The following OXSM variants were observed in gnomAD, a reference collection of about 807,000 sequenced individuals.
OXSM encodes 3-oxoacyl-[acyl-carrier-protein] synthase, mitochondrial.
A neutral mutation model predicts 29.2 loss-of-function variants in OXSM; 19 were observed. That is an observed-to-expected ratio of 0.65 (90% CI 0.45 to 0.96). The LOEUF (loss-of-function observed/expected upper bound fraction) is 0.96. Among genes scored for constraint, OXSM ranks in the 40% least tolerant of loss-of-function variants. OXSM has a pLI of 0.00. For missense variants in OXSM, 554 were observed against 551.3 expected (o/e 1.00, Z -0.05); for synonymous variants, 178 against 197.1 (o/e 0.90, Z 0.81).
In OXSM at chr3:25,794,481, T is replaced by G; in HGVS notation, c.1367T>G (p.Ile456Ser). 6.2e-7 allele frequency: 1 copy of G among 1,603,070 alleles called. No homozygotes were observed. ...GFGGTNATLCIAGL is the reference protein window; with the variant it reads ...GFGGTNATLCSAGL ...GGTGGTACTAATGCAACACTTTGTA[T>G]TGCTGGACTGTAGAACATATAATTT... is the stretch of plus-strand genomic sequence containing the variant. The change falls in exon 3 of 3, where the codon ATT (isoleucine) becomes AGT (serine). Residue 456 changes from isoleucine to serine, a missense_variant. Coordinates refer to ENST00000280701, the MANE Select transcript of OXSM (RefSeq NM_017897.3).
At position 25,790,165 on chromosome 3, in the gene OXSM, C is replaced by T. The variant is rs1196510001; in HGVS notation, c.-32+18C>T. On this transcript the variant is annotated intron_variant, in intron 1 of 2. Transcript: ENST00000280701. Reference sequence around the variant, plus strand: ...CGTTACAGGTATCGCTGGCTACCCTCCTCCTTCGCCCCTCCTTTCCTCCTT... The same window carrying T: ...CGTTACAGGTATCGCTGGCTACCCTTCTCCTTCGCCCCTCCTTTCCTCCTT... 4 of 493,132 alleles carry T rather than the reference C, an allele frequency of 8.1e-6. No individual in the cohort carries two copies. Among genetic ancestry groups the T allele is most frequent in the Non-Finnish European group, 1.1e-5 (3 of 276,756 alleles). The allele number at this position is 493,132 out of a possible 1,614,324, so 30.5% of individuals were successfully genotyped here.
intron 1 of OXSM, 157 bp from the exon 2 acceptor site, chr3:25,790,833 A>G (rs1417994043): frequency 1.3e-5 from 7 of 557,982 alleles, no homozygotes; most frequent in Non-Finnish European, 2.2e-5. Flanking sequence ...TTAAACAGAT[A>G]GTTTGATGTT....
chr3:25,792,626 G>A (rs776896364), intron 2 of OXSM, among the ~76,000 whole-genome samples: 29 of 151,898 alleles, frequency 1.9e-4, no homozygotes, highest in Admixed American at 6.6e-4. Flanking sequence ...ACAGGAATGC[G>A]CCACTGAGAC....
chr3:25,794,386 T>C lies in OXSM; in HGVS notation c.1272T>C (p.Tyr424=). Residue 424 remains tyrosine, a synonymous_variant, in exon 3 of 3, where the codon TAT becomes TAC. Transcript: ENST00000280701. ...CGGAACCAGAATTTGATCTCAACTA[T>C]GTTCCACTAAAGGCACAGGAATGGA... ...DCSEPEFDLN[Y]VPLKAQEWKT... is the part of the protein sequence containing the mutation. 6.2e-7 allele frequency: 1 copy of C among 1,614,212 alleles called. No homozygotes were observed. The highest frequency in any genetic ancestry group is 1.1e-5 in the South Asian group (1 of 91,082).
At position 25,794,189 on chromosome 3, in the gene OXSM, G is replaced by T. The variant is rs376218965; in HGVS notation, c.1075G>T (p.Glu359Ter). Reference protein sequence around the residue: ...ATSTPLGDAAENKAIKHLFKD... With the variant: ...ATSTPLGDAA ...TTCCACACCATTGGGAGATGCTGCT[G>T]AAAACAAAGCTATCAAACATCTCTT... The change falls in exon 3 of 3, where the codon GAA becomes TAA. Residue 359 changes from glutamate (E) to a stop codon, truncating the protein, a stop_gained. Transcript: ENST00000280701. LOFTEE classifies it high-confidence loss of function. 4.6e-5 allele frequency: 75 copies of T among 1,614,128 alleles called. No individual in the cohort carries two copies. The highest frequency in any genetic ancestry group is 6.7e-5 in the African/African-American group (5 of 74,946).
chr3:25,791,797 T>G lies in OXSM; in HGVS notation c.777T>G (p.Asp259Glu), dbSNP rs767766137. 4 of 1,614,080 alleles carry G rather than the reference T, an allele frequency of 2.5e-6. No homozygotes were observed. In the Admixed American group the frequency reaches 6.7e-5, roughly 27 times the overall value. Residue 259 changes from aspartate to glutamate, a missense_variant, in exon 2 of 3, where the codon GAT (aspartate) becomes GAG (glutamate). Physicochemically the swap from Asp to Glu is conservative, Grantham distance 45. Transcript: ENST00000280701. The part of the protein sequence containing the change: ...SRARALSTNS[D>E]PKLACRPFHP... ...CCCGGGCTCTGAGCACAAACTCAGA[T>G]CCCAAGTTGGCATGTCGACCATTTC...
chr3:25,791,734 T>A lies in OXSM; in HGVS notation c.714T>A (p.Ser238=), dbSNP rs200194281. The change falls in exon 2 of 3, where the codon TCT becomes TCA. Residue 238 remains serine (S), a synonymous_variant. Coordinates refer to ENST00000280701, the MANE Select transcript of OXSM (RefSeq NM_017897.3). ...TGATGGTGGCTGGAGGTACAGATTCTTGTATTAGCCCTTTATCTCTTGCTG... is the reference window on the plus strand; with the variant it reads ...TGATGGTGGCTGGAGGTACAGATTCATGTATTAGCCCTTTATCTCTTGCTG... ...ADVMVAGGTD[S]CISPLSLAGF... 1.2e-6 allele frequency: 2 copies of A among 1,614,190 alleles called. No homozygotes were observed. Among genetic ancestry groups the A allele is most frequent in the South Asian group, 2.2e-5 (2 of 91,082 alleles).
Position 25,794,114 on chromosome 3 carries a change from G to A in OXSM, c.1000G>A (p.Asp334Asn). 1 of 1,612,622 alleles carries A rather than the reference G, an allele frequency of 6.2e-7. No homozygotes were observed. ...ALRCMAAALK[D>N]AGVQPEEISY... ...TAGGTGTATGGCTGCTGCTTTAAAA[G>A]ATGCAGGTGTGCAGCCTGAGGAGAT... Residue 334 changes from aspartate (D) to asparagine (N), a missense_variant, in exon 3 of 3, where the codon GAT (aspartate) becomes AAT (asparagine). Transcript: ENST00000280701.
Position 25,791,373 on chromosome 3 carries a change from C to A in OXSM, c.353C>A (p.Pro118His). The A allele has an allele frequency of 6.2e-7, 1 of 1,614,142 alleles. No individual in the cohort carries two copies. Among genetic ancestry groups the A allele is most frequent in the Non-Finnish European group, 8.5e-7 (1 of 1,180,020 alleles). ...TCAGATATCAAGTCCATGTCTTCTCCCACCATCATGGCCATTGGGGCTGCA... is the reference window on the plus strand; with the variant it reads ...TCAGATATCAAGTCCATGTCTTCTCACACCATCATGGCCATTGGGGCTGCA... ...SKSDIKSMSS[P>H]TIMAIGAAEL... is the part of the protein sequence containing the mutation. Residue 118 changes from proline (P) to histidine (H), a missense_variant, in exon 2 of 3, where the codon CCC becomes CAC. Pro to His is a moderately conservative substitution (Grantham distance 77). Coordinates refer to ENST00000280701, the MANE Select transcript of OXSM (RefSeq NM_017897.3).
intron 1 of OXSM, chr3:25,790,571 T>C (rs1248849900): frequency 5.9e-6 from 1 of 169,518 alleles, no homozygotes; most frequent in African/African-American, 2.4e-5. Flanking sequence ...TACTGAAGAT[T>C]GATAAAGCCC....
chr3:25,790,106 GC>G lies in OXSM; in HGVS notation c.-68del. ...TGCGCGTGCGCTCGAGAGCGTCATC[GC>G]CCCCGACTGTGGAGAAGTGTCCGGG... On this transcript the variant is annotated 5_prime_UTR_variant, in exon 1 of 3. Coordinates refer to ENST00000280701, the MANE Select transcript of OXSM (RefSeq NM_017897.3). The G allele has an allele frequency of 3.4e-6, 2 of 586,644 alleles. No homozygotes were observed. The highest frequency in any genetic ancestry group is 6.1e-6 in the Non-Finnish European group (2 of 330,096). 36.3% of individuals were successfully genotyped at this position (586,644 alleles called of 1,614,324 possible).
In OXSM at chr3:25,794,255, G is replaced by A; in HGVS notation, c.1141G>A (p.Gly381Arg). ...TGCCCTTGCAGTTTCCTCAACTAAGGGAGCAACAGGACATCTGCTGGGAGC... is the reference window on the plus strand; with the variant it reads ...TGCCCTTGCAGTTTCCTCAACTAAGAGAGCAACAGGACATCTGCTGGGAGC... ...AYALAVSSTK[G>R]ATGHLLGAAG... is the part of the protein sequence containing the mutation. Residue 381 changes from glycine to arginine, a missense_variant, in exon 3 of 3, where the codon GGA becomes AGA. Transcript: ENST00000280701. 1 of 1,614,212 alleles carries A rather than the reference G, an allele frequency of 6.2e-7. No individual in the cohort carries two copies. Among genetic ancestry groups the A allele is most frequent in the African/African-American group, 1.3e-5 (1 of 75,060 alleles).
In OXSM at chr3:25,791,900, A is replaced by C; in HGVS notation, c.880A>C (p.Arg294=). Residue 294 remains arginine (R), a synonymous_variant, in exon 2 of 3, where the codon AGA becomes CGA. Coordinates refer to ENST00000280701, the MANE Select transcript of OXSM (RefSeq NM_017897.3). Reference sequence around the variant, plus strand: ...GGAAGAATATGAACATGCTGTTCAAAGAAGAGCCCGGATCTATGCAGAAGT... The same window carrying C: ...GGAAGAATATGAACATGCTGTTCAACGAAGAGCCCGGATCTATGCAGAAGT... ...VLEEYEHAVQ[R]RARIYAEVLG... 6.2e-7 allele frequency: 1 copy of C among 1,607,540 alleles called. No homozygotes were observed. The highest frequency in any genetic ancestry group is 8.5e-7 in the Non-Finnish European group (1 of 1,179,976).
intron 2 of OXSM, 62 bp from the exon 3 acceptor site, chr3:25,794,030 A>G: frequency 6.9e-7 from 1 of 1,446,486 alleles, no homozygotes; most frequent in Non-Finnish European, 9.4e-7. Context: ...AGCCATACAG[A>G]TAAAGAGACT....
chr3:25,790,289 A>T (rs1708704046), intron 1 of OXSM, 142 bp downstream of exon 1: 1 of 292,216 alleles, frequency 3.4e-6, no homozygotes, highest in South Asian at 4.6e-5. Flanking sequence ...GGCTGTGTAC[A>T]TGTGTGGTGG....
Position 25,794,226 on chromosome 3 carries a change from C to G in OXSM, c.1112C>G (p.Ala371Gly). The stretch of plus-strand genomic sequence containing the variant: ...ATCAAACATCTCTTCAAAGACCATG[C>G]ATATGCCCTTGCAGTTTCCTCAACT... ...KAIKHLFKDHAYALAVSSTKG... is the reference protein window; with the variant it reads ...KAIKHLFKDHGYALAVSSTKG... The change falls in exon 3 of 3, where the codon GCA becomes GGA. Residue 371 changes from alanine (A) to glycine (G), a missense_variant. By Grantham distance (60) the Ala-to-Gly change is moderately conservative. Coordinates refer to ENST00000280701, the MANE Select transcript of OXSM (RefSeq NM_017897.3). 6.2e-7 allele frequency: 1 copy of G among 1,614,238 alleles called. No homozygotes were observed. The highest frequency in any genetic ancestry group is 8.5e-7 in the Non-Finnish European group (1 of 1,180,044).
chr3:25,790,101 T>A lies in OXSM; in HGVS notation c.-78T>A, dbSNP rs552500579. ...GCGTGTGCGCGTGCGCTCGAGAGCG[T>A]CATCGCCCCCGACTGTGGAGAAGTG... On this transcript the variant is annotated 5_prime_UTR_variant, in exon 1 of 3. Transcript: ENST00000280701. 3 of 593,448 alleles carry A rather than the reference T, an allele frequency of 5.1e-6. No individual in the cohort carries two copies. The highest frequency in any genetic ancestry group is 1.9e-5 in the African/African-American group (1 of 53,614). 36.8% of individuals were successfully genotyped at this position (593,448 alleles called of 1,614,324 possible).
chr3:25,791,657 G>T lies in OXSM; in HGVS notation c.637G>T (p.Ala213Ser). Residue 213 changes from alanine (A) to serine (S), a missense_variant, in exon 2 of 3, where the codon GCT becomes TCT. Physicochemically the swap from Ala to Ser is moderately conservative, Grantham distance 99. Coordinates refer to ENST00000280701, the MANE Select transcript of OXSM (RefSeq NM_017897.3). The stretch of plus-strand genomic sequence containing the variant: ...AGTATCCACAGCCTGTACCACAGGA[G>T]CTCATGCTGTGGGAGACTCATTTAG... ...HAVSTACTTG[A>S]HAVGDSFRFI... 2.5e-6 allele frequency: 4 copies of T among 1,614,016 alleles called. No homozygotes were observed. The highest frequency in any genetic ancestry group is 3.4e-6 in the Non-Finnish European group (4 of 1,179,850).
intron 1 of OXSM, chr3:25,790,352 C>G (rs1210828173): frequency 5.3e-6 from 1 of 187,092 alleles, no homozygotes; most frequent in African/African-American, 2.4e-5. Context: ...CCGCCCCTGG[C>G]CTTCGTAGTA....
Sources: gnomAD v4.1 joint callset for allele counts (sites outside exome capture counted in the v4.1 genomes callset) on GRCh38, gnomAD v4.1.1 for gene constraint, MANE v1.5 for transcripts, NCBI Gene and HGNC (gene_info 2026-07-23, HGNC 2026-07-21) for gene names.